Variants in CAMTA1 observed in about 807,000 individuals in gnomAD.
CAMTA1 encodes the protein calmodulin-binding transcription activator 1.
Under a neutral mutation model 170.9 loss-of-function variants are expected in CAMTA1, and 27 were observed. The ratio of observed to expected loss-of-function variants is 0.16; its 90% CI spans 0.12 to 0.22. CAMTA1 has a LOEUF of 0.22. Among genes scored for constraint, CAMTA1 ranks in the 10% least tolerant of loss-of-function variants. CAMTA1 has a pLI of 1.00. For missense variants in CAMTA1, 1,619 were observed against 2,217.2 expected, an observed-to-expected ratio of 0.73 and a Z score of 5.42; for synonymous variants, 833 against 891.5, an observed-to-expected ratio of 0.93 and a Z score of 1.17.
At chr1:7,557,129 G>A (rs1376594748) in intron 6 of CAMTA1, among the ~76,000 whole-genome samples, 5 of 152,028 alleles carry the variant, frequency 3.3e-5, no homozygotes, top group South Asian at 4.2e-4. Context: ...GCAACATGGC[G>A]AAACCCGGCC....
chr1:7,338,663 G>A (rs1211035148), intron 5 of CAMTA1, among the ~76,000 whole-genome samples: 1 of 152,182 alleles, frequency 6.6e-6, no homozygotes, highest in African/African-American at 2.4e-5. Context: ...TGGTGTGTGT[G>A]CCACGAGAAA....
At chr1:7,318,936 C>T (rs898396856) in intron 5 of CAMTA1, among the ~76,000 whole-genome samples, 7 of 152,150 alleles carry the variant, frequency 4.6e-5, no homozygotes, top group South Asian at 2.1e-4. Context: ...GAAGGCAGCA[C>T]GAAATCGTGT....
intron 5 of CAMTA1, among the ~76,000 whole-genome samples, chr1:7,277,610 C>T (rs1392586244): frequency 2.0e-5 from 3 of 151,990 alleles, no homozygotes; most frequent in Admixed American, 1.3e-4. Flanking sequence ...TCTATCTCCC[C>T]CTTCTCAGAA....
chr1:7,292,044 T>G (rs1248418900), intron 5 of CAMTA1, among the ~76,000 whole-genome samples: 2 of 152,236 alleles, frequency 1.3e-5, no homozygotes, highest in Non-Finnish European at 2.9e-5. Flanking sequence ...TATTTTAGTT[T>G]GCAGAAATTC....
intron 16 of CAMTA1, among the ~76,000 whole-genome samples, chr1:7,739,969 A>G (rs1174756598): frequency 6.6e-6 from 1 of 151,722 alleles, no homozygotes; most frequent in Non-Finnish European, 1.5e-5. Flanking sequence ...ACCACAACAC[A>G]TGGGAATTAT....
chr1:6,923,262 G>A (rs751715756), intron 3 of CAMTA1, among the ~76,000 whole-genome samples: 18 of 152,116 alleles, frequency 1.2e-4, no homozygotes, highest in Non-Finnish European at 1.6e-4. Context: ...GAAGCGAGAG[G>A]GGTCCCAGTT....
chr1:7,626,336 G>A (rs1454011285), intron 6 of CAMTA1, among the ~76,000 whole-genome samples: 2 of 152,190 alleles, frequency 1.3e-5, no homozygotes, highest in Non-Finnish European at 2.9e-5. Flanking sequence ...ACAGGATTGA[G>A]TGCAGGGGCT....
intron 11 of CAMTA1, among the ~76,000 whole-genome samples, chr1:7,678,157 C>T (rs541137118): frequency 1.1e-3 from 160 of 152,358 alleles, no homozygotes; most frequent in African/African-American, 3.5e-3. Flanking sequence ...CAGAGGCCAT[C>T]GCCAAGCCCC....
chr1:6,984,038 A>G (rs375787092), intron 3 of CAMTA1, among the ~76,000 whole-genome samples: 10 of 388 alleles, frequency 0.026, no homozygotes, highest in Non-Finnish European at 0.049. Flanking sequence ...GGATGGATTA[A>G]TGAATGGATA....
At chr1:6,909,119 C>T (rs570156904) in intron 3 of CAMTA1, among the ~76,000 whole-genome samples, 10 of 152,200 alleles carry the variant, frequency 6.6e-5, no homozygotes, top group Non-Finnish European at 1.2e-4. Context: ...TTCTACTCCT[C>T]AAGAAAACAA....
At chr1:7,528,091 C>CT (rs2150024194) in intron 6 of CAMTA1, among the ~76,000 whole-genome samples, 1 of 152,310 alleles carries the variant, frequency 6.6e-6, no homozygotes, top group Admixed American at 6.5e-5. Flanking sequence ...GCCTGTGGCT[C>CT]TGCCTGTCTC....
chr1:6,857,539 A>G (rs1266840099), intron 3 of CAMTA1, among the ~76,000 whole-genome samples: 1 of 152,212 alleles, frequency 6.6e-6, no homozygotes, highest in Admixed American at 6.5e-5. Flanking sequence ...TGCATCTTCA[A>G]AGAAGCCAGA....
chr1:7,380,546 C>G (rs2087214101), intron 5 of CAMTA1, among the ~76,000 whole-genome samples: 1 of 152,174 alleles, frequency 6.6e-6, no homozygotes, highest in African/African-American at 2.4e-5. Flanking sequence ...TGCACTCCAG[C>G]CTGGGCAACA....
rs542241006 is a variant in CAMTA1 at position 7,584,437 on chromosome 1, C to G, written c.511-55963C>G. Among the ~76,000 whole-genome samples, 83 of 152,186 alleles carry G rather than the reference C, an allele frequency of 5.5e-4. 1 individual carries two copies. The highest frequency in any genetic ancestry group is 1.9e-3 in the African/African-American group (79 of 41,532). On this transcript the variant is annotated intron_variant, in intron 6 of 22. Coordinates refer to ENST00000303635, the MANE Select transcript of CAMTA1 (RefSeq NM_015215.4). ...TCAGATACTAAGGTGGGGGTTTCTG[C>G]TAAGCTGACGGCAGGATTGTGGCTC... is the stretch of plus-strand genomic sequence containing the variant.
intron 4 of CAMTA1, among the ~76,000 whole-genome samples, chr1:7,235,711 T>G (rs751571096): frequency 4.6e-5 from 7 of 152,204 alleles, no homozygotes; most frequent in Non-Finnish European, 7.3e-5. Context: ...CCCTGCCCAT[T>G]GAACACGGCA....
At chr1:7,545,624 C>T (rs1021732148) in intron 6 of CAMTA1, among the ~76,000 whole-genome samples, 3 of 152,178 alleles carry the variant, frequency 2.0e-5, no homozygotes, top group African/African-American at 7.2e-5. Flanking sequence ...AAGAGCCTCA[C>T]ATAAGGGATA....
rs1014688990 is a variant in CAMTA1 at position 7,767,428 on chromosome 1, G to C, written c.*937G>C. ...TTGCCTGGACATTTGCCACCTAAAC[G>C]ATCAGTGTGGTGCTGCGTTCTGGCC... On this transcript the variant is annotated 3_prime_UTR_variant, in exon 23 of 23. Coordinates refer to ENST00000303635, the MANE Select transcript of CAMTA1 (RefSeq NM_015215.4). 6.5e-6 allele frequency: 1 copy of C among 152,686 alleles called. No homozygotes were observed. Among genetic ancestry groups the C allele is most frequent in the Non-Finnish European group, 1.5e-5 (1 of 68,026 alleles). The allele number at this position is 152,686 out of a possible 1,614,324, so 9.5% of individuals were successfully genotyped here.
At chr1:7,199,199 T>C (rs1656168719) in intron 4 of CAMTA1, among the ~76,000 whole-genome samples, 1 of 152,138 alleles carries the variant, frequency 6.6e-6, no homozygotes, top group South Asian at 2.1e-4. Flanking sequence ...GGCCTGGGAC[T>C]CGGATTGGAG....
intron 6 of CAMTA1, among the ~76,000 whole-genome samples, chr1:7,521,986 C>T (rs2094371838): frequency 6.6e-6 from 1 of 152,206 alleles, no homozygotes; most frequent in South Asian, 2.1e-4. Context: ...GTGAACATCA[C>T]ATGTGCGTTG....
Sources: allele counts gnomAD v4.1 joint callset (sites outside exome capture counted in the v4.1 genomes callset), GRCh38; gene constraint gnomAD v4.1.1; transcripts MANE v1.5; gene names NCBI Gene and HGNC (gene_info 2026-07-23, HGNC 2026-07-21).